Variants in EPB41L4A observed in about 807,000 individuals in gnomAD.
The protein encoded by EPB41L4A is band 4.1-like protein 4A.
Under a neutral mutation model 108.6 loss-of-function variants are expected in EPB41L4A, and 100 were observed. The observed-to-expected ratio is 0.92, with a 90% CI of 0.78 to 1.09. The LOEUF is 1.09. EPB41L4A is among the 50% of genes least tolerant of loss of function. EPB41L4A has a pLI of 0.00. For synonymous variants in EPB41L4A, 319 were observed against 289.0 expected, an observed-to-expected ratio of 1.10 and a Z score of -1.05; for missense variants, 1,030 against 842.7, an observed-to-expected ratio of 1.22 and a Z score of -2.75.
At chr5:112,267,575 A>G (rs1457237627) in intron 4 of EPB41L4A, among the ~76,000 whole-genome samples, 1 of 152,182 alleles carries the variant, frequency 6.6e-6, no homozygotes, top group Non-Finnish European at 1.5e-5. Context: ...ACGTGTAATC[A>G]TCCCTGGCAC....
At chr5:112,244,397 T>C (rs1302964876) in intron 9 of EPB41L4A, among the ~76,000 whole-genome samples, 4 of 152,132 alleles carry the variant, frequency 2.6e-5, no homozygotes, top group African/African-American at 7.2e-5. Context: ...TTGGGGTTCA[T>C]TGTCACGCAT....
intron 1 of EPB41L4A, among the ~76,000 whole-genome samples, chr5:112,414,803 T>C (rs1762612210): frequency 6.6e-6 from 1 of 152,124 alleles, no homozygotes; most frequent in Non-Finnish European, 1.5e-5. Flanking sequence ...TTATACACAG[T>C]TCATCTTATG....
intron 1 of EPB41L4A, among the ~76,000 whole-genome samples, chr5:112,384,361 T>C (rs1156951724): frequency 6.6e-6 from 1 of 152,152 alleles, no homozygotes; most frequent in African/African-American, 2.4e-5. Context: ...AATCATAGAT[T>C]TAACTACATT....
At chr5:112,158,009 A>T (rs1179542385), downstream of EPB41L4A, among the ~76,000 whole-genome samples, 1 of 152,204 alleles carries the variant, frequency 6.6e-6, no homozygotes, top group African/African-American at 2.4e-5. Flanking sequence ...GGTTTTCTGT[A>T]CCAGGATTCA....
chr5:112,278,033 ATTAAC>A (rs1752720400), intron 3 of EPB41L4A, among the ~76,000 whole-genome samples: 1 of 152,194 alleles, frequency 6.6e-6, no homozygotes, highest in Non-Finnish European at 1.5e-5. Flanking sequence ...GGAGTTTCTC[ATTAAC>A]TCAAGGAGAA....
intron 1 of EPB41L4A, among the ~76,000 whole-genome samples, chr5:112,356,181 C>T (rs942253464): frequency 6.6e-6 from 1 of 152,120 alleles, no homozygotes; most frequent in South Asian, 2.1e-4. Context: ...CAATGGCTCC[C>T]TGACGATGGA....
At chr5:112,262,637 G>C (rs558031583) in intron 6 of EPB41L4A, 56 bp from the exon 7 acceptor site, 2 of 1,367,936 alleles carry the variant, frequency 1.5e-6, no homozygotes, top group East Asian at 4.6e-5. Flanking sequence ...TGCACTTACA[G>C]GGATGCAAAC....
intron 1 of EPB41L4A, among the ~76,000 whole-genome samples, chr5:112,383,432 T>C (rs1760296084): frequency 6.6e-6 from 1 of 152,190 alleles, no homozygotes; most frequent in Non-Finnish European, 1.5e-5. Flanking sequence ...AAAACTGTAC[T>C]GAAAGAAAAA....
chr5:112,146,325 C>T (rs1239379086), intron 12 of EPB41L4A, among the ~76,000 whole-genome samples: 2 of 152,186 alleles, frequency 1.3e-5, no homozygotes, highest in Non-Finnish European at 1.5e-5. Flanking sequence ...GGAACAGCTG[C>T]AATTCTCTTT....
chr5:112,305,127 G>C (rs1191027131), intron 2 of EPB41L4A, among the ~76,000 whole-genome samples: 1 of 152,120 alleles, frequency 6.6e-6, no homozygotes, highest in African/African-American at 2.4e-5. Flanking sequence ...TCAGACTTGG[G>C]GTGGAATTCT....
intron 1 of EPB41L4A, among the ~76,000 whole-genome samples, chr5:112,325,786 T>C (rs1460408568): frequency 3.3e-5 from 5 of 152,150 alleles, no homozygotes; most frequent in Non-Finnish European, 7.4e-5. Context: ...AGTTTCTTCA[T>C]TTGTGAGATG....
downstream of EPB41L4A, chr5:112,161,254 T>G (rs1290374951): frequency 1.3e-5 from 4 of 311,094 alleles, no homozygotes; most frequent in East Asian, 1.8e-4. Context: ...TACAGCTGTT[T>G]CCACGTGCGG....
chr5:112,302,252 T>C (rs987064796), intron 2 of EPB41L4A, among the ~76,000 whole-genome samples: 1 of 152,196 alleles, frequency 6.6e-6, no homozygotes, highest in Non-Finnish European at 1.5e-5. Context: ...ACACCTATAA[T>C]CCTAGCACTT....
At chr5:112,299,549 T>G (rs1329092435) in intron 2 of EPB41L4A, among the ~76,000 whole-genome samples, 1 of 152,148 alleles carries the variant, frequency 6.6e-6, no homozygotes, top group Admixed American at 6.5e-5. Context: ...GCGTGGTGGC[T>G]CCCGCCTGTA....
intron 12 of EPB41L4A, among the ~76,000 whole-genome samples, chr5:112,226,798 C>T (rs928793271): frequency 4.6e-5 from 7 of 151,338 alleles, no homozygotes; most frequent in East Asian, 3.9e-4. Flanking sequence ...AGTAGAAAGA[C>T]GATCACCAAG....
intron 1 of EPB41L4A, among the ~76,000 whole-genome samples, chr5:112,409,777 C>A (rs1762306838): frequency 6.6e-6 from 1 of 152,106 alleles, no homozygotes; most frequent in South Asian, 2.1e-4. Flanking sequence ...GGGAAAGGAG[C>A]TAAGGGTTTC....
Position 112,222,689 on chromosome 5 carries a change from G to A in EPB41L4A, c.1087+11945C>T, listed in dbSNP as rs571742155. Among the ~76,000 whole-genome samples the A allele has an allele frequency of 3.3e-5, 5 of 152,324 alleles. No individual in the cohort carries two copies. In the East Asian group the frequency reaches 7.7e-4, roughly 24 times the overall value. ...CAAAGCTGTACCTGGTACCTGGACCGTAAAGCAGCCCCAAAAGGCTTGGTT... is the reference window on the plus strand; with the variant it reads ...CAAAGCTGTACCTGGTACCTGGACCATAAAGCAGCCCCAAAAGGCTTGGTT... On this transcript the variant is annotated intron_variant, in intron 12 of 22. Transcript: ENST00000261486.
chr5:112,321,490 C>T (rs897511845), intron 1 of EPB41L4A, among the ~76,000 whole-genome samples: 19 of 152,148 alleles, frequency 1.2e-4, no homozygotes, highest in African/African-American at 4.6e-4. Context: ...GATGGAAAAA[C>T]ATACTGCATT....
intron 9 of EPB41L4A, among the ~76,000 whole-genome samples, chr5:112,252,616 G>A (rs1277710823): frequency 6.6e-6 from 1 of 152,060 alleles, no homozygotes; most frequent in African/African-American, 2.4e-5. Context: ...CAAATACCAG[G>A]TGTTCTCACT....
Sources: allele counts gnomAD v4.1 joint callset (sites outside exome capture counted in the v4.1 genomes callset), GRCh38; gene constraint gnomAD v4.1.1; transcripts MANE v1.5; gene names NCBI Gene and HGNC (gene_info 2026-07-23, HGNC 2026-07-21).